GLIS3: variants seen among roughly 807,000 people sequenced by gnomAD.
GLIS3 encodes zinc finger protein GLIS3.
Under a neutral mutation model 78.6 loss-of-function variants are expected in GLIS3, and 53 were observed. That is an observed-to-expected ratio of 0.67 (90% CI 0.54 to 0.85). GLIS3 has a LOEUF of 0.85. GLIS3 is among the 40% of genes least tolerant of loss of function. GLIS3 has a pLI of 0.00. For missense variants in GLIS3, 1,703 were observed against 1,231.1 expected, an observed-to-expected ratio of 1.38 and a Z score of -5.74; for synonymous variants, 684 against 509.9, an observed-to-expected ratio of 1.34 and a Z score of -4.60.
intron 4 of GLIS3, among the ~76,000 whole-genome samples, chr9:4,103,097 T>C (rs1297042470): frequency 1.3e-5 from 2 of 152,178 alleles, no homozygotes; most frequent in Non-Finnish European, 2.9e-5. Context: ...ATCATAAAAT[T>C]TTCCAAAAGC....
chr9:4,264,485 G>C (rs946672700), intron 2 of GLIS3, among the ~76,000 whole-genome samples: 4 of 152,066 alleles, frequency 2.6e-5, no homozygotes, highest in Admixed American at 6.5e-5. Flanking sequence ...AAAACCCTTG[G>C]AAGAGTTCCT....
intron 3 of GLIS3, among the ~76,000 whole-genome samples, chr9:4,121,556 T>C (rs1392511314): frequency 6.6e-6 from 1 of 151,810 alleles, no homozygotes; most frequent in Admixed American, 6.6e-5. Flanking sequence ...TTAAGTAAAC[T>C]GGATTTTAAA....
intron 2 of GLIS3, among the ~76,000 whole-genome samples, chr9:4,333,927 TCC>T (rs1817719091): frequency 6.6e-6 from 1 of 152,174 alleles, no homozygotes; most frequent in Non-Finnish European, 1.5e-5. Flanking sequence ...ATTCCTTAAA[TCC>T]TACCTGGAAT....
chr9:4,300,639 T>G (rs1370188112), upstream of GLIS3, among the ~76,000 whole-genome samples: 1 of 151,986 alleles, frequency 6.6e-6, no homozygotes, highest in Non-Finnish European at 1.5e-5. Flanking sequence ...GGAGGTATAT[T>G]CCCTGCGTAT....
At chr9:3,933,635 G>T (rs1445471446) in intron 5 of GLIS3, among the ~76,000 whole-genome samples, 2 of 152,304 alleles carry the variant, frequency 1.3e-5, no homozygotes, top group East Asian at 3.9e-4. Flanking sequence ...GATGTGAAAT[G>T]TAAGGAAGAG....
Position 4,070,232 on chromosome 9 carries a change from T to C in GLIS3, c.1710+47536A>G, listed in dbSNP as rs187219060. ...TAGTTCACCCCCTCCTTATCAGAAG[T>C]TCCATACAGATCCATTCTGAGCTGA... On this transcript the variant is annotated intron_variant, in intron 4 of 10. Coordinates refer to ENST00000381971, the MANE Select transcript of GLIS3 (RefSeq NM_001042413.2). Among the ~76,000 whole-genome samples, 12 of 152,266 alleles carry C rather than the reference T, an allele frequency of 7.9e-5. No homozygotes were observed. The East Asian group carries it at 2.3e-3, about 29-fold the overall frequency.
chr9:4,285,714 C>T (rs1260309825), intron 2 of GLIS3: 7 of 351,710 alleles, frequency 2.0e-5, no homozygotes, highest in Admixed American at 7.8e-5. Flanking sequence ...TACCTGTATC[C>T]GGAGGGCATG....
chr9:4,007,153 C>T (rs1411862575), intron 4 of GLIS3, among the ~76,000 whole-genome samples: 1 of 152,174 alleles, frequency 6.6e-6, no homozygotes, highest in Non-Finnish European at 1.5e-5. Context: ...CATCCAAACA[C>T]CCAACAGGGT....
At chr9:4,015,368 C>CA (rs1161283159) in intron 4 of GLIS3, among the ~76,000 whole-genome samples, 11 of 152,242 alleles carry the variant, frequency 7.2e-5, no homozygotes, top group African/African-American at 2.4e-4. Context: ...ATGGTTCTTT[C>CA]ACAAAATGTT....
chr9:4,448,378 GCA>G, the GLIS3 span, among the ~76,000 whole-genome samples: 1 of 152,188 alleles, frequency 6.6e-6, no homozygotes, highest in African/African-American at 2.4e-5. Flanking sequence ...ATGCTTGTGA[GCA>G]CAGAGGCTGA....
At chr9:4,195,848 T>A (rs572966254) in intron 2 of GLIS3, among the ~76,000 whole-genome samples, 1 of 152,362 alleles carries the variant, frequency 6.6e-6, no homozygotes, top group East Asian at 1.9e-4. Flanking sequence ...CAGTGTTCTG[T>A]GTCTAGCTAA....
chr9:4,468,299 T>A, the GLIS3 span, among the ~76,000 whole-genome samples: 1 of 152,036 alleles, frequency 6.6e-6, no homozygotes, highest in Non-Finnish European at 1.5e-5. Flanking sequence ...ACAAAGATAC[T>A]CCTTGAGAAG....
chr9:4,391,233 G>A, the GLIS3 span, among the ~76,000 whole-genome samples: 2 of 152,154 alleles, frequency 1.3e-5, no homozygotes, highest in Non-Finnish European at 2.9e-5. Context: ...AGGGACAGTG[G>A]GGACATGGGG....
chr9:3,933,769 T>G (rs890990919), intron 5 of GLIS3, among the ~76,000 whole-genome samples: 6 of 152,232 alleles, frequency 3.9e-5, no homozygotes, highest in African/African-American at 1.4e-4. Flanking sequence ...TTTATGTGCA[T>G]GTATGTCATT....
the GLIS3 span, among the ~76,000 whole-genome samples, chr9:4,427,142 T>C: frequency 6.6e-6 from 1 of 152,222 alleles, no homozygotes; most frequent in East Asian, 1.9e-4. Flanking sequence ...CTATATTTTA[T>C]GCATGGGTGA....
chr9:4,267,093 C>T (rs6476832), intron 2 of GLIS3, among the ~76,000 whole-genome samples: 151,990 of 152,274 alleles, frequency 1, 75,854 homozygotes, highest in Non-Finnish European at 1. Flanking sequence ...GTGAGTGTCA[C>T]TGCTTGGAGA....
At chr9:4,167,896 G>A (rs1269754555) in intron 2 of GLIS3, among the ~76,000 whole-genome samples, 4 of 152,152 alleles carry the variant, frequency 2.6e-5, no homozygotes, top group Non-Finnish European at 5.9e-5. Flanking sequence ...CTTTCGGTCT[G>A]ATTACTCCTC....
intron 2 of GLIS3, among the ~76,000 whole-genome samples, chr9:4,199,613 C>T (rs1002914449): frequency 6.6e-6 from 1 of 151,274 alleles, no homozygotes; most frequent in Admixed American, 6.6e-5. Flanking sequence ...CTTAACTATC[C>T]TAAATACATA....
the GLIS3 span, among the ~76,000 whole-genome samples, chr9:4,457,911 A>C: frequency 6.6e-6 from 1 of 152,076 alleles, no homozygotes; most frequent in South Asian, 2.1e-4. Context: ...CCAAGACCTA[A>C]GTTCTGACCT....
Sources: allele counts gnomAD v4.1 joint callset (sites outside exome capture counted in the v4.1 genomes callset), GRCh38; gene constraint gnomAD v4.1.1; transcripts MANE v1.5; gene names NCBI Gene and HGNC (gene_info 2026-07-23, HGNC 2026-07-21).